The following SMIM35 variants were observed in gnomAD, a reference collection of about 807,000 sequenced individuals.
SMIM35 encodes small integral membrane protein 35.
intron 1 of SMIM35, among the ~76,000 whole-genome samples, chr11:118,043,243 A>G (rs531541518): frequency 4.6e-5 from 7 of 151,850 alleles, no homozygotes; most frequent in Non-Finnish European, 1.0e-4. Flanking sequence ...CATATGGAAA[A>G]TCCTCCTCCT....
chr11:118,033,797 A>G (rs961089758), intron 1 of SMIM35, among the ~76,000 whole-genome samples: 24 of 152,248 alleles, frequency 1.6e-4, no homozygotes, highest in Admixed American at 1.6e-3. Flanking sequence ...TTGGCAATAT[A>G]GAACAAAAGT....
chr11:118,029,641 C>T (rs958394012), intron 1 of SMIM35: 1 of 457,206 alleles, frequency 2.2e-6, no homozygotes, highest in Non-Finnish European at 4.4e-6. Context: ...CTTTTTCACC[C>T]CAGCAGTTTC....
At chr11:118,047,435 G>A (rs1944116053) in intron 1 of SMIM35, among the ~76,000 whole-genome samples, 1 of 152,158 alleles carries the variant, frequency 6.6e-6, no homozygotes, top group Non-Finnish European at 1.5e-5. Context: ...GCATTCTGGG[G>A]CATTCTTGAC....
At chr11:118,083,400 C>T (rs1355036302) in intron 1 of SMIM35, among the ~76,000 whole-genome samples, 2 of 152,184 alleles carry the variant, frequency 1.3e-5, no homozygotes, top group Non-Finnish European at 2.9e-5. Context: ...GTCCCAACTG[C>T]CCTGGTCACT....
chr11:118,063,628 G>C (rs936605607), intron 1 of SMIM35, among the ~76,000 whole-genome samples: 1 of 152,196 alleles, frequency 6.6e-6, no homozygotes, highest in African/African-American at 2.4e-5. Context: ...GCCCAAGGCA[G>C]GATTAGAAGG....
chr11:118,034,521 A>C (rs2135063939), intron 1 of SMIM35, among the ~76,000 whole-genome samples: 1 of 152,260 alleles, frequency 6.6e-6, no homozygotes, highest in East Asian at 1.9e-4. Context: ...TCAGGAGTTC[A>C]AGACCAGCCT....
Position 118,042,685 on chromosome 11 carries a change from T to C in SMIM35, c.8-26876A>G, listed in dbSNP as rs557387310. Among the ~76,000 whole-genome samples, 8 of 152,340 alleles carry C rather than the reference T, an allele frequency of 5.3e-5. No homozygotes were observed. In the South Asian group the frequency reaches 8.3e-4, roughly 16 times the overall value. The stretch of plus-strand genomic sequence containing the variant: ...AAAACCAGAGAAAAAATATCTCTTA[T>C]GAATATGGACGCAAAAATCCTCAAC... On this transcript the variant is annotated intron_variant, in intron 1 of 4. Transcript: ENST00000689828.
intron 1 of SMIM35, among the ~76,000 whole-genome samples, chr11:118,074,453 A>G (rs551737962): frequency 1.3e-5 from 2 of 152,184 alleles, no homozygotes; most frequent in South Asian, 4.2e-4. Context: ...CTCCGGGAGA[A>G]TGGGGGTTCT....
intron 1 of SMIM35, among the ~76,000 whole-genome samples, chr11:118,073,336 A>C (rs1944602697): frequency 6.6e-6 from 1 of 152,246 alleles, no homozygotes; most frequent in Admixed American, 6.5e-5. Flanking sequence ...GGATTAAATA[A>C]GATGCCCATG....
chr11:118,043,702 C>G (rs1035736293), intron 1 of SMIM35, among the ~76,000 whole-genome samples: 1 of 150,878 alleles, frequency 6.6e-6, no homozygotes, highest in Admixed American at 6.6e-5. Context: ...CCCAGCTACT[C>G]GGGAGGCTGA....
intron 4 of SMIM35, among the ~76,000 whole-genome samples, chr11:118,012,261 G>A (rs575311303): frequency 1.8e-4 from 28 of 152,304 alleles, no homozygotes; most frequent in African/African-American, 6.3e-4. Context: ...TGCCTCTCTG[G>A]TTTGAACAAG....
At chr11:118,007,731 C>A (rs1195817246) in intron 4 of SMIM35, among the ~76,000 whole-genome samples, 1 of 151,898 alleles carries the variant, frequency 6.6e-6, no homozygotes, top group Non-Finnish European at 1.5e-5. Context: ...CATCATCCCC[C>A]CAGTGGTTCT....
At chr11:118,042,978 T>C (rs1944030575) in intron 1 of SMIM35, among the ~76,000 whole-genome samples, 1 of 152,124 alleles carries the variant, frequency 6.6e-6, no homozygotes, top group Non-Finnish European at 1.5e-5. Flanking sequence ...CTCAACAAAC[T>C]AGGAACAGAA....
intron 1 of SMIM35, among the ~76,000 whole-genome samples, chr11:118,060,858 C>A (rs1944383458): frequency 6.6e-6 from 1 of 152,150 alleles, no homozygotes; most frequent in Admixed American, 6.6e-5. Context: ...TCCTTTGGAT[C>A]CCCAGGCAGA....
At chr11:118,079,778 C>A (rs1039970712) in intron 1 of SMIM35, among the ~76,000 whole-genome samples, 1 of 152,098 alleles carries the variant, frequency 6.6e-6, no homozygotes, top group Non-Finnish European at 1.5e-5. Flanking sequence ...AGCCAGCCTG[C>A]GGGCAGCGGG....
intron 1 of SMIM35, among the ~76,000 whole-genome samples, chr11:118,036,868 G>C (rs535799374): frequency 1.3e-5 from 2 of 152,204 alleles, no homozygotes; most frequent in Non-Finnish European, 2.9e-5. Flanking sequence ...TTGCTGGCTC[G>C]AATGCTTGGG....
At chr11:118,031,533 C>A (rs1261866999) in intron 1 of SMIM35, among the ~76,000 whole-genome samples, 1 of 151,850 alleles carries the variant, frequency 6.6e-6, no homozygotes, top group Non-Finnish European at 1.5e-5. Flanking sequence ...CAAGGGAAGG[C>A]GAGAGTATCA....
chr11:118,062,150 C>T (rs956448936), intron 1 of SMIM35, among the ~76,000 whole-genome samples: 1 of 152,122 alleles, frequency 6.6e-6, no homozygotes, highest in Non-Finnish European at 1.5e-5. Context: ...GCCAACATGG[C>T]GAAATCCCAT....
intron 1 of SMIM35, among the ~76,000 whole-genome samples, chr11:118,048,537 AGAAGGAAGGAAGGAAG>A (rs59910847): frequency 0.087 from 10,644 of 122,706 alleles, 606 homozygotes; most frequent in Middle Eastern, 0.1. Flanking sequence ...GAAGAAAGAA[AGAAGGAAGGAAGGAAG>A]GAAGGAAGGA....
Sources: allele counts gnomAD v4.1 joint callset (sites outside exome capture counted in the v4.1 genomes callset), GRCh38; gene constraint gnomAD v4.1.1; transcripts MANE v1.5; gene names NCBI Gene and HGNC (gene_info 2026-07-23, HGNC 2026-07-21).